The following DHX15 variants were observed in gnomAD, a reference collection of about 807,000 sequenced individuals.
The protein encoded by DHX15 is DEAH-box helicase 15, also known as ATP-dependent RNA helicase DHX15.
DHX15 carries 11 observed loss-of-function variants against 94.4 expected under a neutral mutation model. That is an observed-to-expected ratio of 0.12 (90% confidence interval 0.07 to 0.19). DHX15 has a LOEUF of 0.19. Ranked by LOEUF, DHX15 falls within the 10% of genes least tolerant of loss-of-function variation. DHX15 has a pLI of 1.00. For missense variants in DHX15, 304 were observed against 988.5 expected (o/e 0.31, Z 9.29); for synonymous variants, 338 against 329.9 (o/e 1.02, Z -0.27).
At chr4:24,564,909 G>T (rs1313557701) in intron 3 of DHX15, among the ~76,000 whole-genome samples, 1 of 152,174 alleles carries the variant, frequency 6.6e-6, no homozygotes, top group Non-Finnish European at 1.5e-5. Flanking sequence ...CTCTTAAAGA[G>T]AGCTGAAATG....
At chr4:24,543,103 C>A in intron 6 of DHX15, 77 bp from the exon 7 acceptor site, 1 of 936,952 alleles carries the variant, frequency 1.1e-6, no homozygotes, top group Non-Finnish European at 1.6e-6. Context: ...CAGCCACTAA[C>A]TTTCACTGAC....
chr4:24,558,000 G>T (rs1721776828), intron 3 of DHX15, among the ~76,000 whole-genome samples: 1 of 150,634 alleles, frequency 6.6e-6, no homozygotes, highest in African/African-American at 2.4e-5. Flanking sequence ...AAAAAGGATT[G>T]GTTACTCTTC....
intron 6 of DHX15, among the ~76,000 whole-genome samples, chr4:24,547,259 G>T (rs1721444903): frequency 1.3e-5 from 2 of 152,184 alleles, no homozygotes; most frequent in South Asian, 4.1e-4. Context: ...TGGCAATATA[G>T]CCCCTAGTTT....
chr4:24,531,124 T>G (rs952996085), intron 12 of DHX15, among the ~76,000 whole-genome samples: 8 of 151,990 alleles, frequency 5.3e-5, no homozygotes, highest in African/African-American at 1.9e-4. Flanking sequence ...AGTCTCGCTC[T>G]GTCGCCCAGG....
Position 24,548,805 on chromosome 4 carries a change from T to C in DHX15, c.1248+50A>G, listed in dbSNP as rs746680583. 4 of 1,540,210 alleles carry C rather than the reference T, an allele frequency of 2.6e-6. No individual in the cohort carries two copies. In the South Asian group the frequency reaches 3.6e-5, roughly 14 times the overall value. ...TTTATAACTGAATACAGTTTATATCTCATAAATCATTATTAGTGAAATATT... is the reference window on the plus strand; with the variant it reads ...TTTATAACTGAATACAGTTTATATCCCATAAATCATTATTAGTGAAATATT... On this transcript the variant is annotated intron_variant, in intron 6 of 13. Transcript: ENST00000336812.
At chr4:24,558,499 G>A (rs1255706178) in intron 3 of DHX15, among the ~76,000 whole-genome samples, 1 of 151,994 alleles carries the variant, frequency 6.6e-6, no homozygotes, top group Non-Finnish European at 1.5e-5. Flanking sequence ...TGTTACAGAT[G>A]GCAGACTATA....
At chr4:24,540,348 A>C (rs763072154) in intron 9 of DHX15, 49 bp from the exon 10 acceptor site, 1 of 1,485,696 alleles carries the variant, frequency 6.7e-7, no homozygotes, top group Non-Finnish European at 9.1e-7. Flanking sequence ...AGCAAGCAAA[A>C]ATGTGACAAA....
At chr4:24,560,171 T>C (rs1243554205) in intron 3 of DHX15, among the ~76,000 whole-genome samples, 1 of 152,030 alleles carries the variant, frequency 6.6e-6, no homozygotes, top group Non-Finnish European at 1.5e-5. Flanking sequence ...GAACAAACCA[T>C]GGTAAAACAT....
intron 4 of DHX15, among the ~76,000 whole-genome samples, chr4:24,556,009 T>A (rs566439850): frequency 6.6e-6 from 1 of 152,202 alleles, no homozygotes; most frequent in African/African-American, 2.4e-5. Context: ...GTTATTAGAT[T>A]ATAAAAGAAC....
intron 13 of DHX15, among the ~76,000 whole-genome samples, chr4:24,529,147 C>T (rs1013834760): frequency 1.8e-4 from 28 of 152,162 alleles, no homozygotes; most frequent in African/African-American, 6.5e-4. Flanking sequence ...CCCAGCTTCC[C>T]CAGTAGCTGG....
intron 5 of DHX15, among the ~76,000 whole-genome samples, chr4:24,550,009 C>T (rs1262181615): frequency 7.0e-6 from 1 of 142,780 alleles, no homozygotes; most frequent in Non-Finnish European, 1.5e-5. Context: ...GGGAGAATCG[C>T]TTGAACCCGG....
At chr4:24,551,716 A>G (rs963404831) in intron 5 of DHX15, among the ~76,000 whole-genome samples, 8 of 152,228 alleles carry the variant, frequency 5.3e-5, no homozygotes, top group Admixed American at 3.9e-4. Flanking sequence ...TCTCCAACTT[A>G]AAAAACATTT....
At chr4:24,568,133 T>G (rs1722037051) in intron 3 of DHX15, among the ~76,000 whole-genome samples, 1 of 152,332 alleles carries the variant, frequency 6.6e-6, no homozygotes, top group South Asian at 2.1e-4. Flanking sequence ...AAACTATGGT[T>G]AAATTCTGTG....
intron 12 of DHX15, 200 bp from the exon 13 acceptor site, chr4:24,529,970 G>T: frequency 1.7e-6 from 1 of 585,092 alleles, no homozygotes; most frequent in Non-Finnish European, 3.0e-6. Flanking sequence ...CTATTTGTAA[G>T]GTCTGTGAAT....
intron 9 of DHX15, 23 bp downstream of exon 9, chr4:24,540,817 A>G (rs1721294188): frequency 7.5e-7 from 1 of 1,328,438 alleles, no homozygotes; most frequent in Non-Finnish European, 1.1e-6. Flanking sequence ...GATCTGATAA[A>G]AATGTGTTTT....
chr4:24,530,039 G>T lies in DHX15; in HGVS notation c.2101-269C>A. 6.0e-6 allele frequency: 3 copies of T among 498,600 alleles called. 1 individual carries two copies. In the South Asian group the frequency reaches 7.3e-5, roughly 12 times the overall value. 30.9% of individuals were successfully genotyped at this position (498,600 alleles called of 1,614,324 possible). A position where few individuals can be genotyped will look rare whatever the true frequency, so the allele number is the denominator to read the frequency against. On this transcript the variant is annotated intron_variant, in intron 12 of 13. Transcript: ENST00000336812. ...AAAAATATCATACAAAAAACATTCC[G>T]TGAAGCATGAGTAGCATGTAAAATT...
intron 5 of DHX15, among the ~76,000 whole-genome samples, chr4:24,553,297 G>A (rs1032217435): frequency 5.9e-5 from 9 of 151,944 alleles, no homozygotes; most frequent in Non-Finnish European, 1.2e-4. Flanking sequence ...CTCCAGCCTG[G>A]GCAACAAGAG....
chr4:24,546,027 C>T (rs1721416347), intron 6 of DHX15, among the ~76,000 whole-genome samples: 2 of 152,084 alleles, frequency 1.3e-5, no homozygotes, highest in Admixed American at 6.5e-5. Flanking sequence ...CCCCCCACTC[C>T]GCCCCCAATA....
chr4:24,583,188 T>A (rs1217696515), intron 1 of DHX15, among the ~76,000 whole-genome samples: 3 of 152,228 alleles, frequency 2.0e-5, no homozygotes, highest in African/African-American at 7.2e-5. Context: ...CGGGCTTTTG[T>A]GGGTTTTGCC....
Sources: gnomAD v4.1 joint callset for allele counts (sites outside exome capture counted in the v4.1 genomes callset) on GRCh38, gnomAD v4.1.1 for gene constraint, MANE v1.5 for transcripts, NCBI Gene and HGNC (gene_info 2026-07-23, HGNC 2026-07-21) for gene names.